CABIN1: variants seen among roughly 807,000 people sequenced by gnomAD.
CABIN1 encodes calcineurin-binding protein cabin-1.
Under a neutral mutation model 227.7 loss-of-function variants are expected in CABIN1, and 133 were observed. That is an observed-to-expected ratio of 0.58 (90% CI 0.51 to 0.67). The LOEUF (loss-of-function observed/expected upper bound fraction) is 0.67, where lower values mean the gene tolerates loss of function less well. CABIN1 is among the 30% of genes least tolerant of loss of function. The pLI, the probability that CABIN1 is intolerant of heterozygous loss-of-function variation, is 0.00. For missense variants in CABIN1, 2,408 were observed against 2,852.5 expected (o/e 0.84, Z 3.55); for synonymous variants, 1,086 against 1,155.1 (o/e 0.94, Z 1.21).
intron 7 of CABIN1, 92 bp downstream of exon 7, chr22:24,049,312 T>C (rs1010465412): frequency 7.3e-5 from 108 of 1,488,128 alleles, no homozygotes; most frequent in Non-Finnish European, 9.5e-5. Flanking sequence ...TCAGGTCCCA[T>C]GGATGGAGCC....
At chr22:24,110,975 T>C (rs756545030) in intron 26 of CABIN1, among the ~76,000 whole-genome samples, 44 of 152,192 alleles carry the variant, frequency 2.9e-4, no homozygotes, top group Non-Finnish European at 4.7e-4. Context: ...TTCTTAGTTA[T>C]TATGTCTTTA....
At position 24,064,052 on chromosome 22, in the gene CABIN1, C is replaced by T. The variant is rs1040833975; in HGVS notation, c.1902C>T (p.Ala634=). ...CTAACCAGGGAGACATGGAGCAGGC[C>T]CTGGAGAACTATGACATCTGCACAG... ...FLALQGDMEQ[A]LENYDICTEM... The change falls in exon 15 of 37, where the codon GCC becomes GCT. Residue 634 remains alanine (A), a synonymous_variant. Coordinates refer to ENST00000263119, the MANE Select transcript of CABIN1 (RefSeq NM_012295.4). The T allele has an allele frequency of 6.2e-7, 1 of 1,614,132 alleles. No homozygotes were observed. Among genetic ancestry groups the T allele is most frequent in the African/African-American group, 1.3e-5 (1 of 75,008 alleles).
In CABIN1 at chr22:24,038,346, A is replaced by G. The variant is rs1232244975; in HGVS notation, c.97-2A>G. The G allele has an allele frequency of 6.2e-7, 1 of 1,610,544 alleles. No homozygotes were observed. The highest frequency in any genetic ancestry group is 1.3e-5 in the African/African-American group (1 of 74,850). ...GAAAACATCTCTTGTCTTGATTTGC[A>G]GGAAGCAGAGGCTTTTGCATTGTAC... On this transcript the variant is annotated splice_acceptor_variant, in intron 3 of 36. Coordinates refer to ENST00000263119, the MANE Select transcript of CABIN1 (RefSeq NM_012295.4). LOFTEE classifies it high-confidence loss of function.
intron 28 of CABIN1, among the ~76,000 whole-genome samples, chr22:24,121,522 C>T (rs1295895785): frequency 6.6e-6 from 1 of 152,224 alleles, no homozygotes; most frequent in Non-Finnish European, 1.5e-5. Context: ...CACTGCTCAG[C>T]CTCCACTTGG....
intron 29 of CABIN1, among the ~76,000 whole-genome samples, chr22:24,161,452 C>T (rs140450363): frequency 6.6e-6 from 1 of 152,260 alleles, no homozygotes; most frequent in African/African-American, 2.4e-5. Context: ...GCAAGGGGTA[C>T]GGCCAGAGCA....
At chr22:24,161,661 G>A (rs1481531797) in intron 29 of CABIN1, among the ~76,000 whole-genome samples, 1 of 152,196 alleles carries the variant, frequency 6.6e-6, no homozygotes, top group African/African-American at 2.4e-5. Context: ...GGTCACTGCT[G>A]CCTATGCCCT....
chr22:24,167,111 C>T lies in CABIN1; in HGVS notation c.5480C>T (p.Thr1827Ile), dbSNP rs763157486. 8 of 1,561,926 alleles carry T rather than the reference C, an allele frequency of 5.1e-6. No homozygotes were observed. Among genetic ancestry groups the T allele is most frequent in the Admixed American group, 1.9e-5 (1 of 51,670 alleles). ...GCCCCCGCCCCCGCCCCCGCCACCA[C>T]CACAGGGACCAGGGCAGGGGGCCAC... ...QPAPAPAPATTTGTRAGGHPE... is the reference protein window; with the variant it reads ...QPAPAPAPATITGTRAGGHPE... The change falls in exon 32 of 37, where the codon ACC (threonine) becomes ATC (isoleucine). Residue 1827 changes from threonine to isoleucine, a missense_variant. This residue lies in a region of CABIN1 where 714 missense variants were observed against 773.8 expected (regional missense o/e 0.92). Transcript: ENST00000263119.
Position 24,070,936 on chromosome 22 carries a change from T to G in CABIN1, c.2369T>G (p.Leu790Arg). ...KEEWVATVTQ[L>R]LMGIEQALSA... ...GAGTGGGTGGCCACAGTGACCCAACTGCTGATGGGCATCGAGCAGGCCCTC... is the reference window on the plus strand; with the variant it reads ...GAGTGGGTGGCCACAGTGACCCAACGGCTGATGGGCATCGAGCAGGCCCTC... The change falls in exon 17 of 37, where the codon CTG (leucine) becomes CGG (arginine). Residue 790 changes from leucine (L) to arginine (R), a missense_variant. Around this residue, in one of 3 missense-constraint regions of CABIN1, gnomAD observed 1,045 missense variants for 1,168.4 expected, o/e 0.89. Coordinates refer to ENST00000263119, the MANE Select transcript of CABIN1 (RefSeq NM_012295.4). The G allele has an allele frequency of 6.2e-7, 1 of 1,614,240 alleles. No homozygotes were observed.
intron 25 of CABIN1, among the ~76,000 whole-genome samples, chr22:24,097,153 A>G (rs941849214): frequency 1.3e-5 from 2 of 152,222 alleles, no homozygotes; most frequent in Non-Finnish European, 2.9e-5. Flanking sequence ...ATACAATGAT[A>G]CTTTCTTTCA....
rs1257870222 is a variant in CABIN1 at position 24,087,704 on chromosome 22, C to T, written c.3516C>T (p.Leu1172=). The change falls in exon 23 of 37, where the codon CTC becomes CTT. Residue 1172 remains leucine (L), a synonymous_variant. Coordinates refer to ENST00000263119, the MANE Select transcript of CABIN1 (RefSeq NM_012295.4). ...GGAGAGGCGAGCTGCCCCCTGAGCT[C>T]GTGCAGCAGGTGAGGAGGGGGTGCT... ...KQWRGELPPE[L]VQQMEGRRDS... The T allele has an allele frequency of 6.8e-6, 11 of 1,613,762 alleles. No homozygotes were observed. Among genetic ancestry groups the T allele is most frequent in the Middle Eastern group, 1.7e-4 (1 of 5,898 alleles).
intron 29 of CABIN1, among the ~76,000 whole-genome samples, chr22:24,138,518 G>A (rs1399501975): frequency 2.0e-5 from 3 of 152,320 alleles, no homozygotes; most frequent in South Asian, 2.1e-4. Flanking sequence ...CTGGGCCTCC[G>A]AAATGTCTAA....
intron 1 of CABIN1, among the ~76,000 whole-genome samples, chr22:24,017,730 T>C (rs147066796): frequency 1.1e-3 from 173 of 152,348 alleles, no homozygotes; most frequent in African/African-American, 4.2e-3. Context: ...TTTCATTGTA[T>C]GTATATACTA....
At chr22:24,145,211 G>A (rs565089829) in intron 29 of CABIN1, among the ~76,000 whole-genome samples, 5 of 152,286 alleles carry the variant, frequency 3.3e-5, no homozygotes, top group African/African-American at 1.2e-4. Flanking sequence ...CAAAGAAAGG[G>A]GGACTGAATT....
Position 24,119,590 on chromosome 22 carries a change from C to T in CABIN1, c.4524C>T (p.Leu1508=). ...PAGAEEQRQF[L]TEQCIASFRL... ...GTGCTGAGGAGCAGCGGCAGTTTCTCACAGAGCAGTGCATCGCCTCCTTCC... is the reference window on the plus strand; with the variant it reads ...GTGCTGAGGAGCAGCGGCAGTTTCTTACAGAGCAGTGCATCGCCTCCTTCC... The change falls in exon 28 of 37, where the codon CTC becomes CTT. Residue 1508 remains leucine (L), a synonymous_variant. Coordinates refer to ENST00000263119, the MANE Select transcript of CABIN1 (RefSeq NM_012295.4). 1 of 1,613,592 alleles carries T rather than the reference C, an allele frequency of 6.2e-7. No individual in the cohort carries two copies. Among genetic ancestry groups the T allele is most frequent in the Non-Finnish European group, 8.5e-7 (1 of 1,179,914 alleles).
chr22:24,119,701 G>A lies in CABIN1; in HGVS notation c.4632+3G>A, dbSNP rs551897705. On this transcript the variant is annotated splice_donor_region_variant and intron_variant, in intron 28 of 36. Coordinates refer to ENST00000263119, the MANE Select transcript of CABIN1 (RefSeq NM_012295.4). Reference sequence around the variant, plus strand: ...ACACCTACAGCAAGACCCACCGGGTGAGTGGCTGCCGGGCCAAGGGGGCTT... The same window carrying A: ...ACACCTACAGCAAGACCCACCGGGTAAGTGGCTGCCGGGCCAAGGGGGCTT... 2 of 1,613,640 alleles carry A rather than the reference G, an allele frequency of 1.2e-6. No individual in the cohort carries two copies. The highest frequency in any genetic ancestry group is 2.2e-5 in the East Asian group (1 of 44,878).
chr22:24,039,575 C>G (rs1049493017), intron 4 of CABIN1, among the ~76,000 whole-genome samples: 11 of 152,078 alleles, frequency 7.2e-5, no homozygotes, highest in African/African-American at 1.9e-4. Context: ...GGTTATGGAC[C>G]AGTTGGTGGG....
At chr22:24,104,845 C>T (rs1198348531) in intron 26 of CABIN1, among the ~76,000 whole-genome samples, 2 of 152,178 alleles carry the variant, frequency 1.3e-5, no homozygotes, top group African/African-American at 2.4e-5. Context: ...GTTTCCTGGT[C>T]GGCAGGACAT....
chr22:24,070,952 G>A lies in CABIN1; in HGVS notation c.2385G>A (p.Glu795=), dbSNP rs1569165020. ...ATVTQLLMGI[E]QALSADSSGS... ...TGACCCAACTGCTGATGGGCATCGA[G>A]CAGGCCCTCTCTGCGGACAGCAGTG... Residue 795 remains glutamate, a synonymous_variant, in exon 17 of 37, where the codon GAG becomes GAA. Transcript: ENST00000263119. The A allele has an allele frequency of 6.2e-7, 1 of 1,614,244 alleles. No individual in the cohort carries two copies. The highest frequency in any genetic ancestry group is 1.1e-5 in the South Asian group (1 of 91,088).
rs957326495 is a variant in CABIN1 at position 24,134,869 on chromosome 22, G to A, written c.4746+454G>A. 3.3e-5 allele frequency among the ~76,000 whole-genome samples: 5 copies of A among 152,216 alleles called. No homozygotes were observed. In the East Asian group the frequency reaches 9.7e-4, roughly 29 times the overall value. Reference sequence around the variant, plus strand: ...GAGGCGGGCAGATCATCTGAGGTCAGGAGTTCGAGACCAGCCTGGCCAACA... The same window carrying A: ...GAGGCGGGCAGATCATCTGAGGTCAAGAGTTCGAGACCAGCCTGGCCAACA... On this transcript the variant is annotated intron_variant, in intron 29 of 36. Coordinates refer to ENST00000263119, the MANE Select transcript of CABIN1 (RefSeq NM_012295.4).
Sources: gnomAD v4.1 joint callset for allele counts (sites outside exome capture counted in the v4.1 genomes callset) on GRCh38, gnomAD v4.1.1 for gene constraint, gnomAD v4.1.1 regional missense constraint, MANE v1.5 for transcripts, NCBI Gene and HGNC (gene_info 2026-07-23, HGNC 2026-07-21) for gene names.